PTGR1: variants seen among roughly 807,000 people sequenced by gnomAD.
PTGR1 encodes the protein prostaglandin reductase 1, also known as 15-oxoprostaglandin 13-reductase.
PTGR1 carries 23 observed loss-of-function variants against 37.7 expected under a neutral mutation model. That is an observed-to-expected ratio of 0.61 (90% CI 0.44 to 0.86). The LOEUF (loss-of-function observed/expected upper bound fraction) is 0.86. PTGR1 is among the 40% of genes least tolerant of loss of function. The pLI is 0.00. For synonymous variants in PTGR1, 134 were observed against 140.0 expected, an observed-to-expected ratio of 0.96 and a Z score of 0.30; for missense variants, 351 against 394.3, an observed-to-expected ratio of 0.89 and a Z score of 0.93.
At chr9:111,566,889 G>A (rs1217238810) in intron 9 of PTGR1, among the ~76,000 whole-genome samples, 1 of 151,986 alleles carries the variant, frequency 6.6e-6, no homozygotes, top group East Asian at 1.9e-4. Context: ...AAGTAGGATA[G>A]GAGCCTGGGC....
At chr9:111,592,500 C>T (rs1446427403) in intron 4 of PTGR1, 1 of 160,706 alleles carries the variant, frequency 6.2e-6, no homozygotes, top group East Asian at 1.8e-4. Context: ...CGGGTATATT[C>T]AGTGCTTTGG....
chr9:111,555,429 G>T (rs1451534739), intron 9 of PTGR1, among the ~76,000 whole-genome samples: 1 of 152,082 alleles, frequency 6.6e-6, no homozygotes, highest in African/African-American at 2.4e-5. Context: ...GAAGGCCGTT[G>T]TGCTATTTTC....
At chr9:111,559,973 C>T (rs768090780), downstream of PTGR1, among the ~76,000 whole-genome samples, 95 of 152,278 alleles carry the variant, frequency 6.2e-4, no homozygotes, top group Admixed American at 1.2e-3. Flanking sequence ...CATTGTACTA[C>T]AATTTATTTA....
At chr9:111,566,530 T>C (rs143685005) in intron 9 of PTGR1, among the ~76,000 whole-genome samples, 2 of 152,328 alleles carry the variant, frequency 1.3e-5, no homozygotes, top group Non-Finnish European at 2.9e-5. Context: ...ACTAAAATAA[T>C]GCAACTTGAT....
intron 5 of PTGR1, among the ~76,000 whole-genome samples, chr9:111,584,628 G>C (rs1328067593): frequency 2.0e-5 from 3 of 152,020 alleles, no homozygotes; most frequent in African/African-American, 4.8e-5. Context: ...AAAAAGGAAA[G>C]GGAAGGAAGG....
At chr9:111,576,630 G>C (rs531227966) in intron 7 of PTGR1, 1 of 521,478 alleles carries the variant, frequency 1.9e-6, no homozygotes, top group African/African-American at 1.9e-5. Flanking sequence ...ACTAGGATGA[G>C]TTGTTTTAAG....
chr9:111,586,729 T>C (rs1247470928), intron 4 of PTGR1, among the ~76,000 whole-genome samples: 1 of 151,870 alleles, frequency 6.6e-6, no homozygotes, highest in Non-Finnish European at 1.5e-5. Flanking sequence ...AACAACCTCC[T>C]GAGCACAAAA....
intron 3 of PTGR1, among the ~76,000 whole-genome samples, chr9:111,594,002 G>A (rs1411541953): frequency 1.3e-5 from 2 of 151,042 alleles, no homozygotes; most frequent in African/African-American, 2.4e-5. Flanking sequence ...GAGCAGATAG[G>A]AGATGGTTGG....
intron 8 of PTGR1, among the ~76,000 whole-genome samples, chr9:111,572,270 G>A (rs1828850006): frequency 6.6e-6 from 1 of 152,188 alleles, no homozygotes; most frequent in African/African-American, 2.4e-5. Flanking sequence ...TTCTTTGTGA[G>A]TTAGGGATTG....
At chr9:111,599,268 C>A (rs1417982730) in intron 1 of PTGR1, 6 of 152,272 alleles carry the variant, frequency 3.9e-5, no homozygotes, top group African/African-American at 1.4e-4. Flanking sequence ...GATCTTTCTT[C>A]TTCTACCCTC....
At chr9:111,568,296 A>T (rs1487933681) in intron 9 of PTGR1, among the ~76,000 whole-genome samples, 1 of 152,178 alleles carries the variant, frequency 6.6e-6, no homozygotes, top group Admixed American at 6.5e-5. Context: ...GGAGGTCTAT[A>T]AATGGCTGCT....
At chr9:111,595,027 G>T (rs991448247) in intron 2 of PTGR1, among the ~76,000 whole-genome samples, 2 of 151,488 alleles carry the variant, frequency 1.3e-5, no homozygotes, top group South Asian at 2.1e-4. Flanking sequence ...GCTAATTTTT[G>T]TATTTTTAGT....
chr9:111,578,768 TTAGATATTAA>T lies in PTGR1; in HGVS notation c.651+18_651+27del. On this transcript the variant is annotated intron_variant, in intron 7 of 9. Coordinates refer to ENST00000407693, the MANE Select transcript of PTGR1 (RefSeq NM_001146108.2). ...CTTTATATAGTACTTCCATAATAAA[TTAGATATTAA>T]GTCCAGTTTGTACTTACATTATCAA... is the stretch of plus-strand genomic sequence containing the variant. The T allele has an allele frequency of 4.4e-6, 7 of 1,576,678 alleles. No individual in the cohort carries two copies. Among genetic ancestry groups the T allele is most frequent in the Non-Finnish European group, 6.0e-6 (7 of 1,158,282 alleles).
chr9:111,566,917 T>C (rs1828585705), intron 9 of PTGR1, among the ~76,000 whole-genome samples: 2 of 152,006 alleles, frequency 1.3e-5, no homozygotes, highest in South Asian at 4.1e-4. Flanking sequence ...TGAAAGCCCT[T>C]CTCTACGAAA....
At chr9:111,598,466 C>G (rs1426855521) in intron 1 of PTGR1, among the ~76,000 whole-genome samples, 2 of 152,144 alleles carry the variant, frequency 1.3e-5, no homozygotes, top group African/African-American at 4.8e-5. Context: ...TGATCTGCAG[C>G]CCGGGGTTGT....
chr9:111,576,935 A>G (rs1411602137), intron 7 of PTGR1: 1 of 152,262 alleles, frequency 6.6e-6, no homozygotes, highest in Non-Finnish European at 1.5e-5. Context: ...TATTTAAAAT[A>G]CAAAAATTAG....
At chr9:111,553,189 TTTGAA>T (rs1203855591) in intron 9 of PTGR1, among the ~76,000 whole-genome samples, 2 of 152,194 alleles carry the variant, frequency 1.3e-5, no homozygotes, top group African/African-American at 4.8e-5. Context: ...CTTTAACACT[TTTGAA>T]TAGAACAAAC....
intron 9 of PTGR1, among the ~76,000 whole-genome samples, chr9:111,550,054 TTG>T (rs1827894072): frequency 6.6e-6 from 1 of 152,000 alleles, no homozygotes; most frequent in Admixed American, 6.5e-5. Context: ...TTTTTTGTTG[TTG>T]TTTTTTGTGT....
In PTGR1 at chr9:111,563,552, C is replaced by G. The variant is rs958716630; in HGVS notation, c.880-321G>C. The G allele has an allele frequency of 5.1e-5, 9 of 175,676 alleles. No individual in the cohort carries two copies. In the South Asian group the frequency reaches 5.7e-4, roughly 11 times the overall value. 10.9% of individuals were successfully genotyped at this position (175,676 alleles called of 1,614,324 possible). On this transcript the variant is annotated intron_variant, in intron 9 of 9. Coordinates refer to ENST00000407693, the MANE Select transcript of PTGR1 (RefSeq NM_001146108.2). ...ACAGAGTCTCGCTCTGTTGCCCAGGCTGGAGTGCAGTGCCGCGATCTTGGC... is the reference window on the plus strand; with the variant it reads ...ACAGAGTCTCGCTCTGTTGCCCAGGGTGGAGTGCAGTGCCGCGATCTTGGC...
Sources: gnomAD v4.1 joint callset for allele counts (sites outside exome capture counted in the v4.1 genomes callset) on GRCh38, gnomAD v4.1.1 for gene constraint, MANE v1.5 for transcripts, NCBI Gene and HGNC (gene_info 2026-07-23, HGNC 2026-07-21) for gene names.